SPRY3: variants seen among roughly 807,000 people sequenced by gnomAD.
SPRY3 encodes protein sprouty homolog 3.
Under a neutral mutation model 20.2 loss-of-function variants are expected in SPRY3, and 15 were observed. The ratio of observed to expected loss-of-function variants is 0.74; its 90% CI spans 0.50 to 1.14. The LOEUF (loss-of-function observed/expected upper bound fraction) is 1.14, where lower values mean the gene tolerates loss of function less well. Ranked by LOEUF, SPRY3 falls within the 50% of genes most tolerant of loss-of-function variation. The pLI, the probability that SPRY3 is intolerant of heterozygous loss-of-function variation, is 0.00. For synonymous variants in SPRY3, 143 were observed against 136.5 expected (o/e 1.05, Z -0.33); for missense variants, 364 against 363.9 (o/e 1.00, Z 0.00).
At chrX:155,704,689 A>G (rs946846158) in intron 2 of SPRY3, among the ~76,000 whole-genome samples, 4 of 151,688 alleles carry the variant, frequency 2.6e-5, no homozygotes, top group Non-Finnish European at 5.9e-5. Context: ...ACCAAACATG[A>G]CTTTTTAAAA....
chrX:155,631,843 A>G (rs2067907490), intron 1 of SPRY3, among the ~76,000 whole-genome samples: 1 of 111,585 alleles, frequency 9.0e-6, no homozygotes, highest in Non-Finnish European at 1.9e-5. Flanking sequence ...ATATCTTGAT[A>G]CAGGCATGTA....
At chrX:155,710,139 C>T (rs1357374056) in intron 2 of SPRY3, among the ~76,000 whole-genome samples, 2 of 151,316 alleles carry the variant, frequency 1.3e-5, no homozygotes, top group African/African-American at 4.8e-5. Flanking sequence ...GATTGGGCTA[C>T]TTTGGGTCTT....
chrX:155,737,912 T>C (rs1017803354), intron 2 of SPRY3, among the ~76,000 whole-genome samples: 2 of 152,190 alleles, frequency 1.3e-5, no homozygotes, highest in African/African-American at 4.8e-5. Context: ...TATAAGAGTG[T>C]ATTTAACCTT....
chrX:155,686,612 C>A (rs896986731), intron 2 of SPRY3, among the ~76,000 whole-genome samples: 1 of 111,419 alleles, frequency 9.0e-6, no homozygotes, highest in Non-Finnish European at 1.9e-5. Context: ...CTCCAAGTTC[C>A]TCTCTCTGTT....
downstream of SPRY3, chrX:155,780,195 G>A (rs1160060723): frequency 3.0e-5 from 5 of 166,940 alleles, no homozygotes; most frequent in Non-Finnish European, 7.3e-5. Context: ...AAACTAACCT[G>A]GCAATCCTTT....
At chrX:155,686,286 G>A (rs983806687) in intron 2 of SPRY3, among the ~76,000 whole-genome samples, 1 of 111,245 alleles carries the variant, frequency 9.0e-6, no homozygotes, top group Non-Finnish European at 1.9e-5. Flanking sequence ...TGCAAGCCGA[G>A]ATTTTCATGC....
At chrX:155,755,981 G>A (rs763162342) in intron 2 of SPRY3, among the ~76,000 whole-genome samples, 12 of 152,204 alleles carry the variant, frequency 7.9e-5, no homozygotes, top group African/African-American at 2.9e-4. Flanking sequence ...ATGAAGGTAG[G>A]ATGGTTGGGG....
At chrX:155,652,654 G>C (rs1603122356) in intron 1 of SPRY3, among the ~76,000 whole-genome samples, 1 of 112,026 alleles carries the variant, frequency 8.9e-6, no homozygotes, top group Non-Finnish European at 1.9e-5. Flanking sequence ...TGTTACCACT[G>C]TTGGGCTACT....
intron 2 of SPRY3, among the ~76,000 whole-genome samples, chrX:155,759,618 G>A (rs950787298): frequency 3.3e-5 from 5 of 151,974 alleles, no homozygotes; most frequent in Non-Finnish European, 7.4e-5. Context: ...CTGGTACAAA[G>A]CTGTCCCTCA....
At chrX:155,736,466 T>C (rs1230220495) in intron 2 of SPRY3, among the ~76,000 whole-genome samples, 1 of 152,000 alleles carries the variant, frequency 6.6e-6, no homozygotes, top group African/African-American at 2.4e-5. Context: ...TATAGAACTC[T>C]AGGTTGGTGG....
chrX:155,777,905 G>A (rs2091439545), downstream of SPRY3: 1 of 166,338 alleles, frequency 6.0e-6, no homozygotes, highest in African/African-American at 2.4e-5. Context: ...GTTTTCCTGT[G>A]GTTCCAGCCC....
At chrX:155,657,187 AT>A (rs2067994945) in intron 2 of SPRY3, among the ~76,000 whole-genome samples, 1 of 111,720 alleles carries the variant, frequency 9.0e-6, no homozygotes, top group African/African-American at 3.3e-5. Flanking sequence ...GCAGGCGGGA[AT>A]GTTTAAGTCT....
chrX:155,711,629 T>C (rs2090987062), intron 2 of SPRY3, among the ~76,000 whole-genome samples: 1 of 151,706 alleles, frequency 6.6e-6, no homozygotes, highest in South Asian at 2.1e-4. Context: ...CCTTTTGTAT[T>C]GTTTTGTTCA....
At chrX:155,776,609 G>A (rs2091427875) in exon 4 of SPRY3, 1 of 167,072 alleles carries the variant, frequency 6.0e-6, no homozygotes, top group South Asian at 2.1e-4. Context: ...TTCAGAGATT[G>A]AGGGCACTTG....
chrX:155,729,546 T>C (rs28851595), intron 2 of SPRY3, among the ~76,000 whole-genome samples: 163 of 152,092 alleles, frequency 1.1e-3, no homozygotes, highest in African/African-American at 3.8e-3. Flanking sequence ...TGAAAACCTA[T>C]GAGATACAGC....
chrX:155,621,525 T>C (rs1257563828), intron 1 of SPRY3, among the ~76,000 whole-genome samples: 1 of 111,349 alleles, frequency 9.0e-6, no homozygotes, highest in Non-Finnish European at 1.9e-5. Flanking sequence ...TGAGTTTTCT[T>C]CTCCCTAAAC....
intron 2 of SPRY3, among the ~76,000 whole-genome samples, chrX:155,762,185 T>C (rs1387470869): frequency 1.3e-5 from 2 of 152,196 alleles, no homozygotes; most frequent in East Asian, 3.8e-4. Flanking sequence ...TGGATTCTAC[T>C]CCTGGCTCTG....
intron 2 of SPRY3, among the ~76,000 whole-genome samples, chrX:155,704,433 A>G (rs2090934499): frequency 6.6e-6 from 1 of 151,790 alleles, no homozygotes; most frequent in Non-Finnish European, 1.5e-5. Flanking sequence ...TAGACCTTAA[A>G]ATATATTAAA....
chrX:155,685,805 G>A lies in SPRY3; in HGVS notation c.-282+28780G>A, dbSNP rs772587346. On this transcript the variant is annotated intron_variant, in intron 2 of 3. Coordinates refer to ENST00000675360, the Ensembl canonical transcript of SPRY3. ...GTTTTTTGAGATGGAGTCTTGCTCC[G>A]TCGCCAGGATGGAGTGCAGTGGCGC... 2.1e-4 allele frequency among the ~76,000 whole-genome samples: 23 copies of A among 110,794 alleles called. No homozygotes were observed. In the East Asian group the frequency reaches 5.4e-3, roughly 26 times the overall value.
Sources: gnomAD v4.1 joint callset for allele counts (sites outside exome capture counted in the v4.1 genomes callset) on GRCh38, gnomAD v4.1.1 for gene constraint, MANE v1.5 for transcripts, NCBI Gene and HGNC (gene_info 2026-07-23, HGNC 2026-07-21) for gene names.